PCDH9: variants seen among roughly 807,000 people sequenced by gnomAD.
PCDH9 encodes protocadherin 9, also known as protocadherin-9.
Under a neutral mutation model 70.6 loss-of-function variants are expected in PCDH9, and 24 were observed. The ratio of observed to expected loss-of-function variants is 0.34; its 90% CI spans 0.25 to 0.48. The LOEUF is 0.48. PCDH9 is among the 20% of genes least tolerant of loss of function. The probability of loss-of-function intolerance (pLI) is 0.99; values close to 1 mark genes in which losing one functional copy is unlikely to be tolerated. For missense variants in PCDH9, 1,281 were observed against 1,503.6 expected (o/e 0.85, Z 2.45); for synonymous variants, 562 against 558.5 (o/e 1.01, Z -0.09).
chr13:66,749,324 A>C (rs2079421448), intron 3 of PCDH9, among the ~76,000 whole-genome samples: 3 of 152,214 alleles, frequency 2.0e-5, no homozygotes, highest in Admixed American at 2.0e-4. Context: ...ATGAGGATAT[A>C]AAAATCAAAA....
intron 2 of PCDH9, among the ~76,000 whole-genome samples, chr13:66,973,791 A>C (rs896393294): frequency 3.3e-5 from 5 of 152,034 alleles, no homozygotes; most frequent in African/African-American, 1.2e-4. Flanking sequence ...AGTTTTTAAA[A>C]GGTATAATGT....
At chr13:66,326,520 G>T (rs1012056932) in intron 4 of PCDH9, among the ~76,000 whole-genome samples, 1 of 151,822 alleles carries the variant, frequency 6.6e-6, no homozygotes, top group African/African-American at 2.4e-5. Flanking sequence ...CCGGGTTTAC[G>T]CCATTCTCCT....
intron 2 of PCDH9, among the ~76,000 whole-genome samples, chr13:67,195,750 A>T (rs2089046625): frequency 6.6e-6 from 1 of 152,198 alleles, no homozygotes; most frequent in African/African-American, 2.4e-5. Flanking sequence ...GATACAAGAT[A>T]TTACATACAG....
Position 66,794,944 on chromosome 13 carries a change from G to A in PCDH9, c.3138+108560C>T, listed in dbSNP as rs377326558. On this transcript the variant is annotated intron_variant, in intron 3 of 4. Transcript: ENST00000377865. Reference sequence around the variant, plus strand: ...CTGGTGTCACTAATCAGACAGTTTCGCAAATGGAACTAACCCAAACGGACA... The same window carrying A: ...CTGGTGTCACTAATCAGACAGTTTCACAAATGGAACTAACCCAAACGGACA... Among the ~76,000 whole-genome samples the A allele has an allele frequency of 6.1e-4, 89 of 144,976 alleles. 1 individual carries two copies. Among genetic ancestry groups the A allele is most frequent in the East Asian group, 1.9e-3 (9 of 4,724 alleles).
chr13:66,478,149 G>A (rs1185029505), intron 4 of PCDH9, among the ~76,000 whole-genome samples: 1 of 152,140 alleles, frequency 6.6e-6, no homozygotes, highest in Non-Finnish European at 1.5e-5. Context: ...TGGGATCGGT[G>A]ACCTTTGATG....
Position 66,955,095 on chromosome 13 carries a change from G to A in PCDH9, c.3037-51490C>T, listed in dbSNP as rs888914509. Among the ~76,000 whole-genome samples, 4 of 152,094 alleles carry A rather than the reference G, an allele frequency of 2.6e-5. No homozygotes were observed. The East Asian group carries it at 7.7e-4, about 29-fold the overall frequency. On this transcript the variant is annotated intron_variant, in intron 2 of 4. Coordinates refer to ENST00000377865, the MANE Select transcript of PCDH9 (RefSeq NM_203487.3). ...ATCACAACTCTGATCACCACCTACC[G>A]TTGCTCAAGAGCATGTTATTGACTA...
chr13:66,788,561 AT>A (rs1268851936), intron 3 of PCDH9, among the ~76,000 whole-genome samples: 1 of 151,596 alleles, frequency 6.6e-6, no homozygotes, highest in Admixed American at 6.6e-5. Context: ...AGGTTTTGGA[AT>A]TGGCATGCTA....
intron 3 of PCDH9, among the ~76,000 whole-genome samples, chr13:66,887,307 T>C (rs1004819470): frequency 9.9e-5 from 15 of 152,200 alleles, no homozygotes; most frequent in Admixed American, 3.3e-4. Context: ...TTTAGTTTAC[T>C]ATCAGTGCCA....
At chr13:66,433,697 G>A (rs1464455875) in intron 4 of PCDH9, among the ~76,000 whole-genome samples, 1 of 151,628 alleles carries the variant, frequency 6.6e-6, no homozygotes, top group Admixed American at 6.6e-5. Flanking sequence ...GCATTGCTAT[G>A]CTAGGTATTG....
intron 4 of PCDH9, among the ~76,000 whole-genome samples, chr13:66,511,767 T>C (rs1437810012): frequency 6.6e-6 from 1 of 152,124 alleles, no homozygotes; most frequent in Non-Finnish European, 1.5e-5. Context: ...TCTCTCATGC[T>C]CCTGCTTTTC....
intron 2 of PCDH9, among the ~76,000 whole-genome samples, chr13:67,041,274 G>T (rs2085108328): frequency 1.3e-5 from 2 of 152,052 alleles, no homozygotes. Flanking sequence ...ACTATGAATT[G>T]TTTATTTCTG....
At chr13:67,157,243 T>C (rs1377338522) in intron 2 of PCDH9, among the ~76,000 whole-genome samples, 2 of 152,182 alleles carry the variant, frequency 1.3e-5, no homozygotes, top group Admixed American at 1.3e-4. Context: ...GCCTCAACGG[T>C]TTGCATATAT....
chr13:66,507,967 T>C (rs1426105416), intron 4 of PCDH9, among the ~76,000 whole-genome samples: 2 of 152,240 alleles, frequency 1.3e-5, no homozygotes, highest in East Asian at 3.9e-4. Context: ...GTGATCTGCC[T>C]GCCTCAGCCT....
intron 4 of PCDH9, among the ~76,000 whole-genome samples, chr13:66,513,230 G>T: frequency 1.4e-5 from 2 of 138,860 alleles, no homozygotes; most frequent in Non-Finnish European, 3.1e-5. Flanking sequence ...CACTTTATAT[G>T]CCAGGGTGAA....
At position 66,802,444 on chromosome 13, in the gene PCDH9, A is replaced by T. The variant is rs577672615; in HGVS notation, c.3138+101060T>A. Reference sequence around the variant, plus strand: ...ATTATTCACCTATTTTACCTTAGGGATTTTAAGAAACAGAGATGTAATAAA... The same window carrying T: ...ATTATTCACCTATTTTACCTTAGGGTTTTTAAGAAACAGAGATGTAATAAA... On this transcript the variant is annotated intron_variant, in intron 3 of 4. Transcript: ENST00000377865. Among the ~76,000 whole-genome samples the T allele has an allele frequency of 7.9e-5, 12 of 152,190 alleles. No homozygotes were observed. The South Asian group carries it at 2.5e-3, about 32-fold the overall frequency.
At chr13:66,568,512 C>CAAAA (rs34215376) in intron 4 of PCDH9, among the ~76,000 whole-genome samples, 4 of 108,070 alleles carry the variant, frequency 3.7e-5, no homozygotes, top group African/African-American at 3.3e-5. Flanking sequence ...TGAGACTTTA[C>CAAAA]AAAAAAAAAA....
intron 4 of PCDH9, among the ~76,000 whole-genome samples, chr13:66,313,526 A>C (rs933373380): frequency 6.6e-6 from 1 of 152,200 alleles, no homozygotes; most frequent in Non-Finnish European, 1.5e-5. Context: ...CACTTACATA[A>C]TATTTTGTCC....
At chr13:66,339,347 C>G (rs1191309978) in intron 4 of PCDH9, among the ~76,000 whole-genome samples, 10 of 152,088 alleles carry the variant, frequency 6.6e-5, no homozygotes, top group Admixed American at 2.0e-4. Context: ...CCTTTCTCTT[C>G]TCAGCATAAT....
At chr13:66,320,192 T>C (rs537978688) in intron 4 of PCDH9, among the ~76,000 whole-genome samples, 1 of 152,240 alleles carries the variant, frequency 6.6e-6, no homozygotes, top group South Asian at 2.1e-4. Flanking sequence ...ATAACTAATC[T>C]AGTTTTGTAT....
Sources: gnomAD v4.1 joint callset for allele counts (sites outside exome capture counted in the v4.1 genomes callset) on GRCh38, gnomAD v4.1.1 for gene constraint, MANE v1.5 for transcripts, NCBI Gene and HGNC (gene_info 2026-07-23, HGNC 2026-07-21) for gene names.